ALOXE3: variants seen among roughly 807,000 people sequenced by gnomAD.
ALOXE3 encodes the protein arachidonate epidermal lipoxygenase 3.
Under a neutral mutation model 87.5 loss-of-function variants are expected in ALOXE3, and 78 were observed. The ratio of observed to expected loss-of-function variants is 0.89; its 90% CI spans 0.74 to 1.08. The LOEUF (loss-of-function observed/expected upper bound fraction) is 1.08. Among genes scored for constraint, ALOXE3 ranks in the 50% least tolerant of loss-of-function variants. ALOXE3 has a pLI of 0.00. For synonymous variants in ALOXE3, 363 were observed against 370.8 expected (o/e 0.98, Z 0.24); for missense variants, 946 against 912.4 (o/e 1.04, Z -0.47).
At chr17:8,118,518 T>C, upstream of ALOXE3, 1 of 1,536,666 alleles carries the variant, frequency 6.5e-7, no homozygotes, top group Non-Finnish European at 8.7e-7. Context: ...TCCGTGTGAA[T>C]CACTAAACAG....
chr17:8,107,965 GGAGA>G lies in ALOXE3; in HGVS notation c.1684+499_1684+502del, dbSNP rs1313666196. ...AGAAAGAAAGAAAGAAAGAAAGGAA[GGAGA>G]GAGAGAGAGAGAGAAAGAAAGAAAG... On this transcript the variant is annotated intron_variant, in intron 13 of 15. Transcript: ENST00000448843. Among the ~76,000 whole-genome samples the G allele has an allele frequency of 1.1e-3, 7 of 6,288 alleles. 2 individuals are homozygous for G. Among genetic ancestry groups the G allele is most frequent in the South Asian group, 7.4e-3 (2 of 272 alleles). 4.1% of individuals were successfully genotyped at this position (6,288 alleles called of 152,430 possible).
rs1466422671 is a variant in ALOXE3 at position 8,103,422 on chromosome 17, G to A, written c.1857C>T (p.Thr619=). Residue 619 remains threonine, a synonymous_variant, in exon 15 of 16, where the codon ACC becomes ACT. Transcript: ENST00000448843. ...MRQPPPQTKG[T]TTLKTYLDTL... is the part of the protein sequence containing the mutation. ...TGTCTAGGTAAGTCTTCAGGGTGGT[G>A]GTCCCCTTGGTCTGGGGTGGGGGCT... 1 of 1,614,162 alleles carries A rather than the reference G, an allele frequency of 6.2e-7. No homozygotes were observed. The highest frequency in any genetic ancestry group is 8.5e-7 in the Non-Finnish European group (1 of 1,180,014).
chr17:8,107,965 G>GGAAGGAAAGA lies in ALOXE3; in HGVS notation c.1684+502_1684+503insTCTTTCCTTC, dbSNP rs200841890. ...AGAAAGAAAGAAAGAAAGAAAGGAAGGAGAGAGAGAGAGAGAGAAAGAAAG... is the reference window on the plus strand; with the variant it reads ...AGAAAGAAAGAAAGAAAGAAAGGAAGGAAGGAAAGAGAGAGAGAGAGAGAGAGAAAGAAAG... On this transcript the variant is annotated intron_variant, in intron 13 of 15. Coordinates refer to ENST00000448843, the MANE Select transcript of ALOXE3 (RefSeq NM_021628.3). 7.6e-3 allele frequency among the ~76,000 whole-genome samples: 48 copies of GGAAGGAAAGA among 6,286 alleles called. 16 individuals are homozygous for GGAAGGAAAGA. The South Asian group carries it at 0.11, about 15-fold the overall frequency. 4.1% of individuals were successfully genotyped at this position (6,286 alleles called of 152,430 possible).
chr17:8,116,696 C>T, intron 3 of ALOXE3, 80 bp downstream of exon 3: 1 of 1,488,550 alleles, frequency 6.7e-7, no homozygotes, highest in Non-Finnish European at 9.4e-7. Context: ...ATTCCCTATA[C>T]TCTGGGGCTC....
At chr17:8,117,027 A>G in intron 2 of ALOXE3, 47 bp from the exon 3 acceptor site, 1 of 1,576,610 alleles carries the variant, frequency 6.3e-7, no homozygotes, top group African/African-American at 1.3e-5. Context: ...GGAACTGCCA[A>G]GGCGGTCCTT....
At position 8,108,588 on chromosome 17, in the gene ALOXE3, A is replaced by G; in HGVS notation, c.1564T>C (p.Phe522Leu). The change falls in exon 13 of 16, where the codon TTT becomes CTT. Residue 522 changes from phenylalanine to leucine, a missense_variant and splice_region_variant. Physicochemically the swap from Phe to Leu is conservative, Grantham distance 22. Coordinates refer to ENST00000448843, the MANE Select transcript of ALOXE3 (RefSeq NM_021628.3). ...GLKIWAAIES[F>L]VSEIVGYYYP... ...TAGTAGCCCACGATTTCTGAGACAA[A>G]GCTGCAGGAAAGAGATGCTGGTACC... 1 of 1,610,766 alleles carries G rather than the reference A, an allele frequency of 6.2e-7. No individual in the cohort carries two copies. Among genetic ancestry groups the G allele is most frequent in the Non-Finnish European group, 8.5e-7 (1 of 1,177,936 alleles).
At chr17:8,100,041 G>A (rs970499406) in intron 15 of ALOXE3, among the ~76,000 whole-genome samples, 31 of 151,884 alleles carry the variant, frequency 2.0e-4, no homozygotes, top group Non-Finnish European at 7.4e-5. Context: ...ACTCCAGCCT[G>A]GGTGACCCTG....
At position 8,109,284 on chromosome 17, in the gene ALOXE3, G is replaced by C; in HGVS notation, c.1452C>G (p.Phe484Leu). The change falls in exon 12 of 16, where the codon TTC (phenylalanine) becomes TTG (leucine). Residue 484 changes from phenylalanine (F) to leucine (L), a missense_variant. Coordinates refer to ENST00000448843, the MANE Select transcript of ALOXE3 (RefSeq NM_021628.3). ...CCGGAAGGCAGAAATTGGTGTAGGT[G>C]AAGTGGGCCAGGCCCGTGCTCATGA... ...IYLMSTGLAH[F>L]TYTNFCLPDS... 1 of 1,614,102 alleles carries C rather than the reference G, an allele frequency of 6.2e-7. No individual in the cohort carries two copies. The highest frequency in any genetic ancestry group is 1.3e-5 in the African/African-American group (1 of 75,052).
chr17:8,107,079 C>A (rs1188750381), intron 13 of ALOXE3, among the ~76,000 whole-genome samples: 4 of 152,174 alleles, frequency 2.6e-5, no homozygotes, highest in Non-Finnish European at 4.4e-5. Flanking sequence ...GTTGAATTAA[C>A]AGTAATTAGA....
Position 8,109,201 on chromosome 17 carries a change from C to T in ALOXE3, c.1535G>A (p.Gly512Asp). ...CTCAATGGCCGCCCAGATCTTCAGG[C>T]CGTCGTCTCGGTAGTGGTAGTTGGG... Reference protein sequence around the residue: ...AIPNYHYRDDGLKIWAAIESF... With the variant: ...AIPNYHYRDDDLKIWAAIESF... The change falls in exon 12 of 16, where the codon GGC becomes GAC. Residue 512 changes from glycine (G) to aspartate (D), a missense_variant. Coordinates refer to ENST00000448843, the MANE Select transcript of ALOXE3 (RefSeq NM_021628.3). The T allele has an allele frequency of 1.2e-6, 2 of 1,613,872 alleles. No homozygotes were observed. Among genetic ancestry groups the T allele is most frequent in the South Asian group, 1.1e-5 (1 of 91,086 alleles).
At chr17:8,101,759 C>T (rs1162187437) in intron 15 of ALOXE3, among the ~76,000 whole-genome samples, 1 of 151,900 alleles carries the variant, frequency 6.6e-6, no homozygotes, top group Non-Finnish European at 1.5e-5. Context: ...CACTTTAGCT[C>T]CCCCCAAGCA....
chr17:8,097,542 T>G (rs370592190), intron 15 of ALOXE3, among the ~76,000 whole-genome samples: 14 of 152,132 alleles, frequency 9.2e-5, no homozygotes, highest in African/African-American at 3.1e-4. Flanking sequence ...CATCCTCCAC[T>G]GCCACACTTT....
intron 8 of ALOXE3, 37 bp downstream of exon 8, chr17:8,111,322 C>G (rs775018195): frequency 1.2e-6 from 2 of 1,611,202 alleles, no homozygotes; most frequent in South Asian, 1.1e-5. Flanking sequence ...ACACCCACCT[C>G]CCACCTATCA....
Position 8,096,391 on chromosome 17 carries a change from G to C in ALOXE3, c.*236C>G, listed in dbSNP as rs1816471936. ...GTTCCTTCCTTTCGGAGGGGCTATTGTGCATTGGACTTTGGTCAGCGGCTT... is the reference window on the plus strand; with the variant it reads ...GTTCCTTCCTTTCGGAGGGGCTATTCTGCATTGGACTTTGGTCAGCGGCTT... On this transcript the variant is annotated 3_prime_UTR_variant, in exon 16 of 16. Coordinates refer to ENST00000448843, the MANE Select transcript of ALOXE3 (RefSeq NM_021628.3). 7.3e-6 allele frequency: 4 copies of C among 550,674 alleles called. No individual in the cohort carries two copies. Among genetic ancestry groups the C allele is most frequent in the Non-Finnish European group, 9.8e-6 (3 of 307,110 alleles). 34.1% of individuals were successfully genotyped at this position (550,674 alleles called of 1,614,324 possible).
chr17:8,107,822 AAAG>A (rs1979465098), intron 13 of ALOXE3, among the ~76,000 whole-genome samples: 1 of 2,252 alleles, frequency 4.4e-4, no homozygotes, highest in African/African-American at 1.4e-3. Flanking sequence ...AGAAAGAAAG[AAAG>A]AAAGAAAGAA....
chr17:8,107,459 G>C (rs889658340), intron 13 of ALOXE3, among the ~76,000 whole-genome samples: 1 of 152,200 alleles, frequency 6.6e-6, no homozygotes, highest in Non-Finnish European at 1.5e-5. Context: ...GGAGGTTGCA[G>C]TAAGCCGAGA....
intron 2 of ALOXE3, 50 bp downstream of exon 2, chr17:8,117,794 G>A (rs769965066): frequency 1.9e-6 from 3 of 1,590,206 alleles, no homozygotes; most frequent in Non-Finnish European, 1.7e-6. Flanking sequence ...CCTCCCGCCT[G>A]CGGCCCCTGC....
intron 3 of ALOXE3, 110 bp downstream of exon 3, chr17:8,116,666 G>T: frequency 7.6e-7 from 1 of 1,315,996 alleles, no homozygotes. Context: ...TGGGAGCCCA[G>T]AGTTTCTGAC....
In ALOXE3 at chr17:8,116,770, G is replaced by A; in HGVS notation, c.352+6C>T. On this transcript the variant is annotated splice_donor_region_variant and intron_variant, in intron 3 of 15. Coordinates refer to ENST00000448843, the MANE Select transcript of ALOXE3 (RefSeq NM_021628.3). ...CAGTACAGTGTAGTCCTCGTCTCTG[G>A]CCCACCTGTTCCTGGCCTCAGCTCC... 1 of 1,613,990 alleles carries A rather than the reference G, an allele frequency of 6.2e-7. No individual in the cohort carries two copies. The highest frequency in any genetic ancestry group is 1.6e-4 in the Middle Eastern group (1 of 6,062).
Sources: allele counts gnomAD v4.1 joint callset (sites outside exome capture counted in the v4.1 genomes callset), GRCh38; gene constraint gnomAD v4.1.1; transcripts MANE v1.5; gene names NCBI Gene and HGNC (gene_info 2026-07-23, HGNC 2026-07-21).